Variants in SMCHD1 observed in about 807,000 individuals in gnomAD.
SMCHD1 encodes structural maintenance of chromosomes flexible hinge domain-containing protein 1.
A neutral mutation model predicts 254.7 loss-of-function variants in SMCHD1; 78 were observed. The observed-to-expected ratio is 0.31, with a 90% CI of 0.26 to 0.37. SMCHD1 has a LOEUF of 0.37. Among genes scored for constraint, SMCHD1 ranks in the 10% least tolerant of loss-of-function variants. SMCHD1 has a pLI of 1.00. For missense variants in SMCHD1, 1,840 were observed against 2,408.1 expected (o/e 0.76, Z 4.94); for synonymous variants, 766 against 794.9 (o/e 0.96, Z 0.61).
chr18:2,706,146 T>TA lies in SMCHD1; in HGVS notation c.1957-217dup, dbSNP rs146074564. 8.8e-3 allele frequency among the ~76,000 whole-genome samples: 1,337 copies of TA among 152,294 alleles called. 23 individuals are homozygous for TA. The highest frequency in any genetic ancestry group is 0.03 in the African/African-American group (1,267 of 41,562). On this transcript the variant is annotated intron_variant, in intron 14 of 47. Coordinates refer to ENST00000320876, the MANE Select transcript of SMCHD1 (RefSeq NM_015295.3). ...AAAACTGGAGTGGGTTTTTTCCCTA[T>TA]ACCATGCTTTCTTGTTAATGTTTGA... is the stretch of plus-strand genomic sequence containing the variant.
At chr18:2,682,792 C>T (rs998479059) in intron 5 of SMCHD1, among the ~76,000 whole-genome samples, 2 of 152,130 alleles carry the variant, frequency 1.3e-5, no homozygotes, top group Middle Eastern at 3.2e-3. Flanking sequence ...TCCTAATTCT[C>T]CAGAGGACTG....
rs1349105732 is a variant in SMCHD1 at position 2,790,699 on chromosome 18, T to G, written c.5720-5250T>G. On this transcript the variant is annotated intron_variant, in intron 45 of 47. Transcript: ENST00000320876. The stretch of plus-strand genomic sequence containing the variant: ...TTGCTTGAACCCAGGAGGCAGAGGT[T>G]GCAGTAAGCCAAGATTGCACCACTG... Among the ~76,000 whole-genome samples, 22 of 152,214 alleles carry G rather than the reference T, an allele frequency of 1.4e-4. 1 individual carries two copies. The highest frequency in any genetic ancestry group is 3.2e-4 in the Non-Finnish European group (22 of 68,034).
At chr18:2,658,178 C>G (rs2073130785) in intron 1 of SMCHD1, among the ~76,000 whole-genome samples, 1 of 152,218 alleles carries the variant, frequency 6.6e-6, no homozygotes, top group Admixed American at 6.5e-5. Flanking sequence ...TGAGATACAT[C>G]TTTAAAGCTC....
At chr18:2,692,397 C>A (rs994509493) in intron 7 of SMCHD1, among the ~76,000 whole-genome samples, 4 of 152,142 alleles carry the variant, frequency 2.6e-5, no homozygotes, top group South Asian at 2.1e-4. Context: ...AGAAAGAGAT[C>A]AAATATTATC....
At position 2,697,876 on chromosome 18, in the gene SMCHD1, A is replaced by C; in HGVS notation, c.1177A>C (p.Arg393=). 1 of 1,613,592 alleles carries C rather than the reference A, an allele frequency of 6.2e-7. No individual in the cohort carries two copies. Among genetic ancestry groups the C allele is most frequent in the Non-Finnish European group, 8.5e-7 (1 of 1,179,632 alleles). The change falls in exon 10 of 48, where the codon AGG becomes CGG. Residue 393 remains arginine, a synonymous_variant. Transcript: ENST00000320876. Reference sequence around the variant, plus strand: ...GAAGGTACCTAAGATTGTCAACCTAAGGGAAATACAAGACGACATGCAGAC... The same window carrying C: ...GAAGGTACCTAAGATTGTCAACCTACGGGAAATACAAGACGACATGCAGAC... ...KGKVPKIVNL[R]EIQDDMQTLY...
At chr18:2,729,545 C>G (rs973964056) in intron 24 of SMCHD1, 136 bp downstream of exon 24, 10 of 562,958 alleles carry the variant, frequency 1.8e-5, no homozygotes, top group Non-Finnish European at 2.6e-5. Context: ...CAAAGCAAAG[C>G]AAAGACAATA....
At chr18:2,660,264 G>A (rs1183952054) in intron 1 of SMCHD1, among the ~76,000 whole-genome samples, 1 of 152,082 alleles carries the variant, frequency 6.6e-6, no homozygotes, top group Non-Finnish European at 1.5e-5. Context: ...GTCGGAAGTT[G>A]CAGCGAGCTG....
At chr18:2,675,320 A>C (rs904275727) in intron 5 of SMCHD1, among the ~76,000 whole-genome samples, 9 of 137,234 alleles carry the variant, frequency 6.6e-5, no homozygotes, top group Non-Finnish European at 1.4e-4. Context: ...GCTGAAGTGC[A>C]GTTGTGCAAT....
chr18:2,754,795 G>A (rs181001433), intron 34 of SMCHD1, among the ~76,000 whole-genome samples: 3 of 150,800 alleles, frequency 2.0e-5, no homozygotes, highest in African/African-American at 7.3e-5. Flanking sequence ...GGTTTGCTGT[G>A]TTCTTTTTAT....
At chr18:2,783,913 C>T (rs548591508) in intron 44 of SMCHD1, among the ~76,000 whole-genome samples, 1 of 152,284 alleles carries the variant, frequency 6.6e-6, no homozygotes, top group South Asian at 2.1e-4. Flanking sequence ...TTTTCCCATC[C>T]ATGACTTCAG....
chr18:2,796,303 T>C, intron 46 of SMCHD1, 104 bp from the exon 47 acceptor site: 1 of 871,082 alleles, frequency 1.1e-6, no homozygotes, highest in Non-Finnish European at 1.7e-6. Context: ...TCAGTATACT[T>C]TCTTAATTCT....
chr18:2,759,571 C>CTCTTTTTTTT lies in SMCHD1; in HGVS notation c.4347-1080_4347-1079insCTTTTTTTTT, dbSNP rs1204847128. ...AAGCAGAAGTCCGTTTTAATTCTCT[C>CTCTTTTTTTT]TTTTTTTTTTTTTTTTGAGATAGAG... On this transcript the variant is annotated intron_variant, in intron 34 of 47. Transcript: ENST00000320876. 4.2e-4 allele frequency among the ~76,000 whole-genome samples: 29 copies of CTCTTTTTTTT among 69,520 alleles called. 1 individual carries two copies. The East Asian group carries it at 5.8e-3, about 14-fold the overall frequency. 45.6% of individuals were successfully genotyped at this position (69,520 alleles called of 152,430 possible).
intron 44 of SMCHD1, among the ~76,000 whole-genome samples, chr18:2,780,070 C>T (rs113564366): frequency 0.011 from 1,731 of 151,886 alleles, 11 homozygotes; most frequent in South Asian, 0.023. Context: ...GAAATCCCGT[C>T]TCTACTAAAA....
At chr18:2,704,826 T>C (rs906599767) in intron 13 of SMCHD1, among the ~76,000 whole-genome samples, 2 of 152,092 alleles carry the variant, frequency 1.3e-5, no homozygotes, top group African/African-American at 4.8e-5. Flanking sequence ...TCATCTATAC[T>C]TGGTGAGTAT....
chr18:2,748,009 T>TGGGGAAACATACATGGTGA (rs1258953786), intron 30 of SMCHD1, among the ~76,000 whole-genome samples: 1 of 152,162 alleles, frequency 6.6e-6, no homozygotes, highest in Non-Finnish European at 1.5e-5. Context: ...CAGGCATTAT[T>TGGGGAAACATACATGGTGA]GGGGAAACAT....
intron 17 of SMCHD1, among the ~76,000 whole-genome samples, chr18:2,712,453 G>A (rs996096628): frequency 1.5e-4 from 23 of 152,080 alleles, no homozygotes; most frequent in African/African-American, 5.3e-4. Flanking sequence ...AACTGTGCAG[G>A]TCCACTTATA....
At chr18:2,670,621 G>A (rs887603807) in intron 3 of SMCHD1, among the ~76,000 whole-genome samples, 1 of 152,118 alleles carries the variant, frequency 6.6e-6, no homozygotes, top group African/African-American at 2.4e-5. Context: ...AAAATTGAGT[G>A]AATCTGGCTG....
chr18:2,667,322 G>A (rs977263580), intron 3 of SMCHD1, among the ~76,000 whole-genome samples: 1 of 152,082 alleles, frequency 6.6e-6, no homozygotes, highest in Non-Finnish European at 1.5e-5. Context: ...CTCTTCTCCT[G>A]ATTTCCTAGC....
chr18:2,763,425 G>T (rs1470755342), intron 36 of SMCHD1, among the ~76,000 whole-genome samples: 2 of 152,158 alleles, frequency 1.3e-5, no homozygotes, highest in Non-Finnish European at 1.5e-5. Flanking sequence ...AGGAACTGTT[G>T]TATTGAAGTC....
Sources: gnomAD v4.1 joint callset for allele counts (sites outside exome capture counted in the v4.1 genomes callset) on GRCh38, gnomAD v4.1.1 for gene constraint, MANE v1.5 for transcripts, NCBI Gene and HGNC (gene_info 2026-07-23, HGNC 2026-07-21) for gene names.